The following TBXAS1 variants were observed in gnomAD, a reference collection of about 807,000 sequenced individuals.
TBXAS1 encodes thromboxane-A synthase.
TBXAS1 carries 48 observed loss-of-function variants against 60.7 expected under a neutral mutation model. The ratio of observed to expected loss-of-function variants is 0.79; its 90% confidence interval spans 0.63 to 1.01. The LOEUF (loss-of-function observed/expected upper bound fraction) is 1.01, where lower values mean the gene tolerates loss of function less well. TBXAS1 is among the 50% of genes least tolerant of loss of function. TBXAS1 has a pLI of 0.00. For synonymous variants in TBXAS1, 287 were observed against 269.7 expected (o/e 1.06, Z -0.63); for missense variants, 685 against 686.3 (o/e 1.00, Z 0.02).
At chr7:139,987,356 A>G (rs996825803) in intron 9 of TBXAS1, among the ~76,000 whole-genome samples, 1 of 152,128 alleles carries the variant, frequency 6.6e-6, no homozygotes, top group Non-Finnish European at 1.5e-5. Flanking sequence ...CTATTCCCCC[A>G]ACCAAGACGG....
Position 139,999,986 on chromosome 7 carries a change from T to A in TBXAS1, c.1135-7105T>A, listed in dbSNP as rs745892101. 6.6e-6 allele frequency among the ~76,000 whole-genome samples: 1 copy of A among 152,194 alleles called. No individual in the cohort carries two copies. Among genetic ancestry groups the A allele is most frequent in the Non-Finnish European group, 1.5e-5 (1 of 68,034 alleles). On this transcript the variant is annotated intron_variant, in intron 9 of 12. Transcript: ENST00000448866. The surrounding 1 kb of genome is among the most constrained non-coding windows in gnomAD (Gnocchi z 4.3). ...TTCTTTTTCTCATTTATACTCCAGATGACATCTGCACACACACCCAGTGTG... is the reference window on the plus strand; with the variant it reads ...TTCTTTTTCTCATTTATACTCCAGAAGACATCTGCACACACACCCAGTGTG...
At chr7:139,853,304 G>A (rs1800357840) in intron 1 of TBXAS1, among the ~76,000 whole-genome samples, 1 of 152,196 alleles carries the variant, frequency 6.6e-6, no homozygotes, top group Non-Finnish European at 1.5e-5. Flanking sequence ...CTTACAGATA[G>A]GTTGGATTCT....
chr7:139,958,785 C>T (rs1810084512), intron 8 of TBXAS1, among the ~76,000 whole-genome samples: 2 of 152,196 alleles, frequency 1.3e-5, no homozygotes, highest in South Asian at 2.1e-4. Flanking sequence ...GCAGCCCCCT[C>T]GGCCCACACC....
At chr7:139,797,260 C>CCACA (rs1390904156) in intron 4 of TBXAS1, 1 of 152,142 alleles carries the variant, frequency 6.6e-6, no homozygotes, top group Non-Finnish European at 1.5e-5. Flanking sequence ...TTATTTGGAG[C>CCACA]CACAGAAAAT....
chr7:140,016,332 AAAAT>A (rs953552024), intron 11 of TBXAS1: 6 of 221,792 alleles, frequency 2.7e-5, no homozygotes, highest in African/African-American at 9.5e-5. Flanking sequence ...TGTCTAAAAA[AAAAT>A]AAATAAATTA....
At chr7:139,902,975 C>T (rs1804694312) in intron 3 of TBXAS1, among the ~76,000 whole-genome samples, 1 of 151,966 alleles carries the variant, frequency 6.6e-6, no homozygotes, top group Non-Finnish European at 1.5e-5. Context: ...ATTGGGGGTA[C>T]AGGTAGTATT....
intron 4 of TBXAS1, among the ~76,000 whole-genome samples, chr7:139,803,362 G>T (rs1393469656): frequency 6.6e-6 from 1 of 152,302 alleles, no homozygotes; most frequent in East Asian, 1.9e-4. Flanking sequence ...CTTTGAACTT[G>T]AGAGAGACGA....
rs372323795 is a variant in TBXAS1, at chr7:139,813,167, C to G, written c.-79-16145C>G. On this transcript the variant is annotated intron_variant, in intron 4 of 16. Transcript: ENST00000336425. ...CTTGAGAAGAACCTGGTGGGTCACT[C>G]AGTTCATCCTCTGAGGAGGCGCTCA... Among the ~76,000 whole-genome samples, 3 of 152,300 alleles carry G rather than the reference C, an allele frequency of 2.0e-5. No homozygotes were observed. The East Asian group carries it at 5.8e-4, about 29-fold the overall frequency.
chr7:139,782,019 C>G (rs1797014394), intron 2 of TBXAS1, among the ~76,000 whole-genome samples: 1 of 151,316 alleles, frequency 6.6e-6, no homozygotes. Flanking sequence ...AAGGAGGTAC[C>G]AGAAAAGAGC....
intron 1 of TBXAS1, among the ~76,000 whole-genome samples, chr7:139,837,641 T>C (rs914763023): frequency 1.3e-5 from 2 of 152,112 alleles, no homozygotes; most frequent in African/African-American, 2.4e-5. Flanking sequence ...AATGATACAA[T>C]GGACTTTGGG....
chr7:139,893,698 C>A (rs1803840958), intron 3 of TBXAS1, among the ~76,000 whole-genome samples: 1 of 152,198 alleles, frequency 6.6e-6, no homozygotes, highest in Non-Finnish European at 1.5e-5. Flanking sequence ...AGGATTTCTG[C>A]ACACTTCAAT....
At position 139,953,988 on chromosome 7, in the gene TBXAS1, T is replaced by C. The variant is rs1809635601; in HGVS notation, c.539+532T>C. Among the ~76,000 whole-genome samples the C allele has an allele frequency of 2.0e-5, 3 of 152,322 alleles. No individual in the cohort carries two copies. In the South Asian group the frequency reaches 6.2e-4, roughly 32 times the overall value. On this transcript the variant is annotated intron_variant, in intron 6 of 12. Coordinates refer to ENST00000448866, the MANE Select transcript of TBXAS1 (RefSeq NM_001061.7). ...GTGGCCCAACACAAATTTATAAACT[T>C]TCTTAAAACATTGTGAGTTTTTTTG...
chr7:139,944,562 A>G (rs1475892211), intron 5 of TBXAS1, among the ~76,000 whole-genome samples: 1 of 152,242 alleles, frequency 6.6e-6, no homozygotes, highest in Non-Finnish European at 1.5e-5. Flanking sequence ...GCCATTTCCC[A>G]GACCCATGGG....
intron 1 of TBXAS1, among the ~76,000 whole-genome samples, chr7:139,858,100 C>G (rs1162149691): frequency 6.6e-6 from 1 of 152,128 alleles, no homozygotes; most frequent in Non-Finnish European, 1.5e-5. Flanking sequence ...AGAACACACT[C>G]CATTTTAAGG....
chr7:140,019,306 C>T (rs1815350328), intron 12 of TBXAS1, among the ~76,000 whole-genome samples: 3 of 152,160 alleles, frequency 2.0e-5, no homozygotes, highest in South Asian at 4.1e-4. Context: ...AAGGGGCAGA[C>T]GGAGGAGCAG....
intron 4 of TBXAS1, among the ~76,000 whole-genome samples, chr7:139,803,541 T>C (rs2079845): frequency 0.68 from 102,753 of 152,096 alleles, 36,001 homozygotes; most frequent in East Asian, 0.95. Flanking sequence ...AGGAGCCCAA[T>C]GTTAGTCACC....
rs911283745 is a variant in TBXAS1, at chr7:139,781,569, C to G, written c.-233+745C>G. Among the ~76,000 whole-genome samples, 7 of 152,108 alleles carry G rather than the reference C, an allele frequency of 4.6e-5. No homozygotes were observed. The South Asian group carries it at 1.4e-3, about 32-fold the overall frequency. On this transcript the variant is annotated intron_variant, in intron 2 of 16. Coordinates refer to the TBXAS1 transcript ENST00000336425. Reference sequence around the variant, plus strand: ...AAAAGCAGCTGGGTGCTGTGGCTCACGCCTGTAATCCCAGCACTTTGGGAG... The same window carrying G: ...AAAAGCAGCTGGGTGCTGTGGCTCAGGCCTGTAATCCCAGCACTTTGGGAG...
intron 8 of TBXAS1, among the ~76,000 whole-genome samples, chr7:139,958,877 A>G (rs1404580818): frequency 6.6e-6 from 1 of 152,264 alleles, no homozygotes; most frequent in Non-Finnish European, 1.5e-5. Context: ...TGAAGCCTAA[A>G]AGGACAGAAC....
chr7:139,866,407 G>A (rs1801421292), intron 1 of TBXAS1, among the ~76,000 whole-genome samples: 1 of 152,188 alleles, frequency 6.6e-6, no homozygotes, highest in Non-Finnish European at 1.5e-5. Flanking sequence ...TTAATAACAT[G>A]GAGATGTTTT....
Sources: gnomAD v4.1 joint callset for allele counts (sites outside exome capture counted in the v4.1 genomes callset) on GRCh38, gnomAD v4.1.1 for gene constraint, Gnocchi (gnomAD v3.1) non-coding constraint, MANE v1.5 for transcripts, NCBI Gene and HGNC (gene_info 2026-07-23, HGNC 2026-07-21) for gene names.